SGMS1: variants seen among roughly 807,000 people sequenced by gnomAD.
SGMS1 encodes phosphatidylcholine:ceramide cholinephosphotransferase 1.
Under a neutral mutation model 46.2 loss-of-function variants are expected in SGMS1, and 13 were observed. The observed-to-expected ratio is 0.28, with a 90% CI of 0.18 to 0.45. The LOEUF is 0.45. Among genes scored for constraint, SGMS1 ranks in the 20% least tolerant of loss-of-function variants. The probability of loss-of-function intolerance (pLI) is 1.00; values close to 1 mark genes in which losing one functional copy is unlikely to be tolerated. For missense variants in SGMS1, 324 were observed against 519.9 expected (o/e 0.62, Z 3.66); for synonymous variants, 203 against 187.8 (o/e 1.08, Z -0.66).
intron 2 of SGMS1, among the ~76,000 whole-genome samples, chr10:50,543,277 G>C (rs903475024): frequency 2.6e-5 from 4 of 152,208 alleles, no homozygotes; most frequent in Admixed American, 2.6e-4. Flanking sequence ...TGGAATTATG[G>C]AAAGGAAAGA....
chr10:50,343,916 G>C lies in SGMS1; in HGVS notation c.199C>G (p.Leu67Val). Residue 67 changes from leucine (L) to valine (V), a missense_variant, in exon 7 of 11, where the codon CTG (leucine) becomes GTG (valine). Leu to Val is a conservative substitution (Grantham distance 32). Around this residue, in one of 2 missense-constraint regions of SGMS1, gnomAD observed 150 missense variants for 169.8 expected, o/e 0.88. Transcript: ENST00000361781. ...GQRLLDMIET[L>V]KMEHHLEAHK... is the part of the protein sequence containing the mutation. ...GCTTCCAAATGGTGCTCCATTTTCAGGGTTTCTATCATGTCCAGGAGCCGC... is the reference window on the plus strand; with the variant it reads ...GCTTCCAAATGGTGCTCCATTTTCACGGTTTCTATCATGTCCAGGAGCCGC... The C allele has an allele frequency of 6.2e-7, 1 of 1,614,028 alleles. No homozygotes were observed. The highest frequency in any genetic ancestry group is 1.1e-5 in the South Asian group (1 of 91,078).
At chr10:50,613,838 CTA>C (rs1418340361) in intron 1 of SGMS1, among the ~76,000 whole-genome samples, 9 of 152,192 alleles carry the variant, frequency 5.9e-5, no homozygotes. Flanking sequence ...AAAACTTCTG[CTA>C]TAATAATAAC....
chr10:50,553,298 A>G (rs543605634), intron 2 of SGMS1, among the ~76,000 whole-genome samples: 2 of 152,172 alleles, frequency 1.3e-5, no homozygotes, highest in South Asian at 4.1e-4. Context: ...TTTATTAGTT[A>G]AATATACCAC....
intron 2 of SGMS1, among the ~76,000 whole-genome samples, chr10:50,569,435 T>C (rs1315543537): frequency 6.6e-6 from 1 of 152,122 alleles, no homozygotes; most frequent in Admixed American, 6.5e-5. Context: ...GTTCTTTCTA[T>C]CCTTCCTGTA....
chr10:50,621,939 T>C (rs1838853997), intron 1 of SGMS1, among the ~76,000 whole-genome samples: 1 of 152,190 alleles, frequency 6.6e-6, no homozygotes, highest in Admixed American at 6.5e-5. Flanking sequence ...TATTGCTGTA[T>C]ATTTTAAGAG....
chr10:50,610,058 A>G (rs976303197), intron 1 of SGMS1, among the ~76,000 whole-genome samples: 2 of 152,150 alleles, frequency 1.3e-5, no homozygotes, highest in African/African-American at 4.8e-5. Flanking sequence ...TGGAAGACAG[A>G]AACACATTGT....
chr10:50,435,744 T>C (rs1385290348), intron 5 of SGMS1, among the ~76,000 whole-genome samples: 1 of 152,170 alleles, frequency 6.6e-6, no homozygotes, highest in African/African-American at 2.4e-5. Context: ...ATTTGTCAGT[T>C]ATGTTAAAAA....
rs60249033 is a variant in SGMS1 at position 50,402,735 on chromosome 10, A to ATT, written c.-232+30739_-232+30740dup. ...TACTCAATTTTTGTTAACCAGAACC[A>ATT]TTTTTTTTTTTTAATTTCAATAGCT... is the stretch of plus-strand genomic sequence containing the variant. On this transcript the variant is annotated intron_variant, in intron 6 of 10. Coordinates refer to ENST00000361781, the MANE Select transcript of SGMS1 (RefSeq NM_147156.4). Among the ~76,000 whole-genome samples, 15 of 148,182 alleles carry ATT rather than the reference A, an allele frequency of 1.0e-4. No homozygotes were observed. In the South Asian group the frequency reaches 1.7e-3, roughly 17 times the overall value.
intron 2 of SGMS1, among the ~76,000 whole-genome samples, chr10:50,541,808 G>A (rs2983358): frequency 0.84 from 128,000 of 152,202 alleles, 53,925 homozygotes; most frequent in East Asian, 1. Flanking sequence ...CAGGGTTCAT[G>A]CACTTTTAAA....
chr10:50,506,312 C>A (rs1335575372), intron 3 of SGMS1, among the ~76,000 whole-genome samples: 1 of 152,154 alleles, frequency 6.6e-6, no homozygotes, highest in Admixed American at 6.5e-5. Context: ...TGATTGTACT[C>A]ATTTTTGCAT....
In SGMS1 at chr10:50,384,407, C is replaced by T. The variant is rs578249684; in HGVS notation, c.-231-40062G>A. Among the ~76,000 whole-genome samples, 6 of 149,162 alleles carry T rather than the reference C, an allele frequency of 4.0e-5. No homozygotes were observed. In the East Asian group the frequency reaches 9.8e-4, roughly 24 times the overall value. Reference sequence around the variant, plus strand: ...TTTTTCTCTCTCTCTCTCTCCTTTCCTTCCTTCTTTCTCCTTTCCCTCTTC... The same window carrying T: ...TTTTTCTCTCTCTCTCTCTCCTTTCTTTCCTTCTTTCTCCTTTCCCTCTTC... On this transcript the variant is annotated intron_variant, in intron 6 of 10. Coordinates refer to ENST00000361781, the MANE Select transcript of SGMS1 (RefSeq NM_147156.4).
chr10:50,580,663 C>G (rs1838424905), intron 2 of SGMS1, among the ~76,000 whole-genome samples: 1 of 152,050 alleles, frequency 6.6e-6, no homozygotes, highest in African/African-American at 2.4e-5. Context: ...TTGAGCATGC[C>G]TAAGAATCAC....
intron 6 of SGMS1, among the ~76,000 whole-genome samples, chr10:50,379,830 C>T (rs1206412982): frequency 6.6e-6 from 1 of 152,194 alleles, no homozygotes; most frequent in Non-Finnish European, 1.5e-5. Flanking sequence ...ACCCATGTTG[C>T]TTGGGACCTG....
At chr10:50,409,941 T>C (rs1329348221) in intron 6 of SGMS1, among the ~76,000 whole-genome samples, 4 of 152,176 alleles carry the variant, frequency 2.6e-5, no homozygotes, top group Admixed American at 6.5e-5. Context: ...ATTTTAACAA[T>C]ATAAAATCAC....
intron 2 of SGMS1, among the ~76,000 whole-genome samples, chr10:50,556,907 G>A (rs1838193728): frequency 6.6e-6 from 1 of 152,188 alleles, no homozygotes; most frequent in Non-Finnish European, 1.5e-5. Context: ...ACTGAGACAG[G>A]AGTGTGCAGA....
chr10:50,621,349 A>T (rs1371472882), intron 1 of SGMS1, among the ~76,000 whole-genome samples: 1 of 152,234 alleles, frequency 6.6e-6, no homozygotes, highest in Non-Finnish European at 1.5e-5. Flanking sequence ...TCAAGTTTTC[A>T]AGCTAAAATT....
chr10:50,599,642 A>G (rs1389960623), intron 1 of SGMS1, among the ~76,000 whole-genome samples: 1 of 152,170 alleles, frequency 6.6e-6, no homozygotes, highest in Non-Finnish European at 1.5e-5. Flanking sequence ...AGGTGGGCAG[A>G]TCACGAGGTC....
chr10:50,507,070 C>T (rs1338723646), intron 3 of SGMS1, among the ~76,000 whole-genome samples: 1 of 152,134 alleles, frequency 6.6e-6, no homozygotes, highest in Non-Finnish European at 1.5e-5. Context: ...CTTATAGGCC[C>T]AGAGAGGGGA....
intron 8 of SGMS1, among the ~76,000 whole-genome samples, chr10:50,323,719 G>A (rs1847485062): frequency 6.6e-6 from 1 of 152,106 alleles, no homozygotes; most frequent in Non-Finnish European, 1.5e-5. Context: ...CATTATACCA[G>A]TGTAAAATCC....
Sources: allele counts gnomAD v4.1 joint callset (sites outside exome capture counted in the v4.1 genomes callset), GRCh38; gene constraint gnomAD v4.1.1; regional missense constraint gnomAD v4.1.1; transcripts MANE v1.5; gene names NCBI Gene and HGNC (gene_info 2026-07-23, HGNC 2026-07-21).